GPC1: variants seen among roughly 807,000 people sequenced by gnomAD.
The protein encoded by GPC1 is glypican 1.
A neutral mutation model predicts 51.5 loss-of-function variants in GPC1; 26 were observed. The ratio of observed to expected loss-of-function variants is 0.50; its 90% CI spans 0.37 to 0.70. The LOEUF (loss-of-function observed/expected upper bound fraction) is 0.70. GPC1 is among the 30% of genes least tolerant of loss of function. GPC1 has a pLI of 0.00. For missense variants in GPC1, 775 were observed against 800.5 expected, an observed-to-expected ratio of 0.97 and a Z score of 0.38; for synonymous variants, 380 against 348.3, an observed-to-expected ratio of 1.09 and a Z score of -1.01.
At chr2:240,450,728 C>T (rs1173144902) in intron 1 of GPC1, 2 of 468,908 alleles carry the variant, frequency 4.3e-6, no homozygotes, top group African/African-American at 4.0e-5. Flanking sequence ...GTCGTGTTCG[C>T]TCCAGTGCCA....
chr2:240,445,298 A>G lies in GPC1; in HGVS notation c.166+9214A>G, dbSNP rs1391969907. Among the ~76,000 whole-genome samples the G allele has an allele frequency of 2.0e-5, 3 of 152,122 alleles. No homozygotes were observed. In the East Asian group the frequency reaches 5.8e-4, roughly 29 times the overall value. On this transcript the variant is annotated intron_variant, in intron 1 of 8. Coordinates refer to ENST00000264039, the MANE Select transcript of GPC1 (RefSeq NM_002081.3). Reference sequence around the variant, plus strand: ...CAGATACCTGGGAAGGTCCCCTGGGATAGGGTGGCTCCCAAGCGGGAGCAG... The same window carrying G: ...CAGATACCTGGGAAGGTCCCCTGGGGTAGGGTGGCTCCCAAGCGGGAGCAG...
chr2:240,463,968 G>A (rs960953368), intron 4 of GPC1: 3 of 221,290 alleles, frequency 1.4e-5, no homozygotes, highest in Non-Finnish European at 2.7e-5. Context: ...CATGAGCTGG[G>A]CTGACCCGCA....
At chr2:240,464,767 C>T (rs200625458) in intron 5 of GPC1, 21 bp downstream of exon 5, 19 of 1,594,002 alleles carry the variant, frequency 1.2e-5, no homozygotes, top group African/African-American at 2.7e-5. Flanking sequence ...GAGGACGTGA[C>T]GAGCACAGCG....
At position 240,455,342 on chromosome 2, in the gene GPC1, C is replaced by T. The variant is rs142122976; in HGVS notation, c.167-3688C>T. 9.6e-4 allele frequency among the ~76,000 whole-genome samples: 146 copies of T among 152,320 alleles called. 5 individuals are homozygous for T. In the East Asian group the frequency reaches 0.026, roughly 27 times the overall value. ...ATGGGTCGGCTACAGCAACTTCAGC[C>T]CAGGGATCAGGGAAGAGAGGGTCCA... On this transcript the variant is annotated intron_variant, in intron 1 of 8. Coordinates refer to ENST00000264039, the MANE Select transcript of GPC1 (RefSeq NM_002081.3).
At chr2:240,457,411 G>A (rs1423285657) in intron 1 of GPC1, 2 of 470,094 alleles carry the variant, frequency 4.3e-6, no homozygotes, top group Non-Finnish European at 4.4e-6. Context: ...CTGAGTGTGT[G>A]TACTTAGAGG....
chr2:240,452,373 G>A (rs1261397464), intron 1 of GPC1: 2 of 152,690 alleles, frequency 1.3e-5, no homozygotes, highest in Non-Finnish European at 2.9e-5. Context: ...GGGGCTGGAG[G>A]GGGCAGGTAG....
rs190882878 is a variant in GPC1, at chr2:240,463,686, T to C, written c.883+174T>C. 946 of 601,980 alleles carry C rather than the reference T, an allele frequency of 1.6e-3. 12 individuals are homozygous for C. The highest frequency in any genetic ancestry group is 3.6e-3 in the Middle Eastern group (8 of 2,236). 37.3% of individuals were successfully genotyped at this position (601,980 alleles called of 1,614,324 possible). A position where few individuals can be genotyped will look rare whatever the true frequency, so the allele number is the denominator to read the frequency against. On this transcript the variant is annotated intron_variant, in intron 4 of 8. Coordinates refer to ENST00000264039, the MANE Select transcript of GPC1 (RefSeq NM_002081.3). ...CAGGGTTGAGGGGCCAGGGTGCCTTTTGAATGTCCTGAGTGATGTGTGACT... is the reference window on the plus strand; with the variant it reads ...CAGGGTTGAGGGGCCAGGGTGCCTTCTGAATGTCCTGAGTGATGTGTGACT...
At chr2:240,439,400 C>T (rs2074003894) in intron 1 of GPC1, among the ~76,000 whole-genome samples, 1 of 152,060 alleles carries the variant, frequency 6.6e-6, no homozygotes, top group Non-Finnish European at 1.5e-5. Flanking sequence ...GTTTTGGGGG[C>T]AGAAGTCAGA....
At chr2:240,453,892 C>T (rs1009908289) in intron 1 of GPC1, among the ~76,000 whole-genome samples, 2 of 152,176 alleles carry the variant, frequency 1.3e-5, no homozygotes, top group African/African-American at 2.4e-5. Context: ...CTGTCGCCCT[C>T]GCAAGCAGCC....
rs564127540 is a variant in GPC1 at position 240,457,230 on chromosome 2, C to T, written c.167-1800C>T. Among the ~76,000 whole-genome samples the T allele has an allele frequency of 1.9e-4, 29 of 152,260 alleles. 1 individual carries two copies. In the East Asian group the frequency reaches 4.3e-3, roughly 22 times the overall value. ...ACAGGAAAAGAGGGCAAGGAGGGAG[C>T]GCTCCAGGATAAGAACCCCTACCTC... On this transcript the variant is annotated intron_variant, in intron 1 of 8. Coordinates refer to ENST00000264039, the MANE Select transcript of GPC1 (RefSeq NM_002081.3).
At chr2:240,451,429 G>C (rs1018947164) in intron 1 of GPC1, 1 of 362,610 alleles carries the variant, frequency 2.8e-6, no homozygotes, top group Non-Finnish European at 5.6e-6. Context: ...AGATGGGAGA[G>C]CTGGGCAGAG....
Position 240,466,248 on chromosome 2 carries a change from C to T in GPC1, c.1635C>T (p.Leu545=), listed in dbSNP as rs747399319. The T allele has an allele frequency of 9.9e-6, 16 of 1,611,308 alleles. No homozygotes were observed. The East Asian group carries it at 2.2e-4, about 22-fold the overall frequency. The change falls in exon 9 of 9, where the codon CTC becomes CTT. Residue 545 remains leucine (L), a synonymous_variant. Coordinates refer to ENST00000264039, the MANE Select transcript of GPC1 (RefSeq NM_002081.3). The part of the protein sequence containing the change: ...PQPPTFLLPL[L]LFLALTVARP... Reference sequence around the variant, plus strand: ...CCCCGACCTTCCTCCTGCCCCTCCTCCTCTTCCTGGCCCTTACAGTAGCCA... The same window carrying T: ...CCCCGACCTTCCTCCTGCCCCTCCTTCTCTTCCTGGCCCTTACAGTAGCCA...
rs764053648 is a variant in GPC1, at chr2:240,465,093, C to T, written c.1151C>T (p.Ala384Val). 17 of 1,608,422 alleles carry T rather than the reference C, an allele frequency of 1.1e-5. No homozygotes were observed. In the East Asian group the frequency reaches 3.8e-4, roughly 36 times the overall value. The change falls in exon 7 of 9, where the codon GCC becomes GTC. Residue 384 changes from alanine (A) to valine (V), a missense_variant. Ala to Val is a moderately conservative substitution (Grantham distance 64, BLOSUM62 0). Coordinates refer to ENST00000264039, the MANE Select transcript of GPC1 (RefSeq NM_002081.3). ...TLEKLVSEAK[A>V]QLRDVQDFWI... ...GCCCCACAGGTCTCCGAAGCCAAGG[C>T]CCAGCTCCGCGACGTCCAGGACTTC...
rs776740793 is a variant in GPC1 at position 240,462,369 on chromosome 2, C to T, written c.504C>T (p.Ala168=). The part of the protein sequence containing the change: ...HLEETLAEFW[A]RLLERLFKQL... The stretch of plus-strand genomic sequence containing the variant: ...AGGAGACGCTGGCCGAGTTCTGGGC[C>T]CGCCTGCTCGAGCGCCTCTTCAAGC... Residue 168 remains alanine, a synonymous_variant, in exon 3 of 9, where the codon GCC becomes GCT. Transcript: ENST00000264039. The T allele has an allele frequency of 3.8e-6, 6 of 1,593,722 alleles. No individual in the cohort carries two copies. The Admixed American group carries it at 1.0e-4, about 28-fold the overall frequency.
At position 240,464,758 on chromosome 2, in the gene GPC1, AG is replaced by A. The variant is rs2074246164; in HGVS notation, c.1014+14del. The A allele has an allele frequency of 6.2e-7, 1 of 1,601,452 alleles. No individual in the cohort carries two copies. Among genetic ancestry groups the A allele is most frequent in the African/African-American group, 1.3e-5 (1 of 74,650 alleles). The stretch of plus-strand genomic sequence containing the variant: ...CGCTCACGGCCAAGGTGCGGGCAGG[AG>A]GACGTGACGAGCACAGCGGGGTGGG... On this transcript the variant is annotated intron_variant, in intron 5 of 8. Coordinates refer to ENST00000264039, the MANE Select transcript of GPC1 (RefSeq NM_002081.3).
At chr2:240,453,306 CCGCTCCCA>C (rs1395944725) in intron 1 of GPC1, among the ~76,000 whole-genome samples, 17,215 of 25,316 alleles carry the variant, frequency 0.68, 7,710 homozygotes, top group African/African-American at 0.85. Context: ...CGTCCCCGCC[CCGCTCCCA>C]CCGCCCGCCC....
chr2:240,445,124 G>T (rs1421615322), intron 1 of GPC1, among the ~76,000 whole-genome samples: 2 of 152,172 alleles, frequency 1.3e-5, no homozygotes, highest in African/African-American at 4.8e-5. Context: ...CTGGCGGGGG[G>T]CTGTACACAG....
At chr2:240,460,218 G>C (rs1218529848) in intron 2 of GPC1, among the ~76,000 whole-genome samples, 1 of 152,116 alleles carries the variant, frequency 6.6e-6, no homozygotes, top group African/African-American at 2.4e-5. Flanking sequence ...CTCCCTCTCT[G>C]TGACTTGGAC....
At chr2:240,453,086 C>G in intron 1 of GPC1, 1 of 299,512 alleles carries the variant, frequency 3.3e-6, no homozygotes, top group South Asian at 2.4e-5. Flanking sequence ...CGCCACCGTA[C>G]CCGCATCCGC....
Sources: allele counts gnomAD v4.1 joint callset (sites outside exome capture counted in the v4.1 genomes callset), GRCh38; gene constraint gnomAD v4.1.1; transcripts MANE v1.5; gene names NCBI Gene and HGNC (gene_info 2026-07-23, HGNC 2026-07-21).